NDUFA12: variants seen among roughly 807,000 people sequenced by gnomAD.
NDUFA12 encodes NADH dehydrogenase [ubiquinone] 1 alpha subcomplex subunit 12.
In NDUFA12, 17 loss-of-function variants were observed where a neutral mutation model predicts 20.3. That is an observed-to-expected ratio of 0.84 (90% CI 0.57 to 1.26). NDUFA12 has a LOEUF of 1.26. Ranked by LOEUF, NDUFA12 falls within the 50% of genes most tolerant of loss-of-function variation. The pLI is 0.00. For missense variants in NDUFA12, 191 were observed against 183.7 expected (o/e 1.04, Z -0.23); for synonymous variants, 72 against 63.6 (o/e 1.13, Z -0.63).
intron 1 of NDUFA12, 120 bp downstream of exon 1, chr12:95,003,475 C>T (rs906487788): frequency 1.5e-5 from 16 of 1,047,514 alleles, no homozygotes; most frequent in Non-Finnish European, 2.4e-5. Context: ...GAGATTGGGG[C>T]GGTTGTCCTT....
At chr12:94,975,031 A>T (rs920244033) in intron 3 of NDUFA12, among the ~76,000 whole-genome samples, 1 of 152,270 alleles carries the variant, frequency 6.6e-6, no homozygotes, top group Admixed American at 6.5e-5. Flanking sequence ...ATTGTTTGTA[A>T]CACAAAGGAC....
chr12:94,994,111 G>A lies in NDUFA12; in HGVS notation c.257+59C>T, dbSNP rs572901815. On this transcript the variant is annotated intron_variant, in intron 3 of 3. Transcript: ENST00000327772. ...TGCACTCCAGCCTGGGTGACAGAGTGAGACCCTGTCTCAAAAAAGAAAAAA... is the reference window on the plus strand; with the variant it reads ...TGCACTCCAGCCTGGGTGACAGAGTAAGACCCTGTCTCAAAAAAGAAAAAA... 16 of 1,461,354 alleles carry A rather than the reference G, an allele frequency of 1.1e-5. No homozygotes were observed. In the East Asian group the frequency reaches 1.8e-4, roughly 17 times the overall value. The allele number at this position is 1,461,354 out of a possible 1,614,324, so 90.5% of individuals were successfully genotyped here. A position where few individuals can be genotyped will look rare whatever the true frequency, so the allele number is the denominator to read the frequency against.
At chr12:94,996,342 CACACACACA>C (rs1874831603) in intron 2 of NDUFA12, among the ~76,000 whole-genome samples, 1 of 148,664 alleles carries the variant, frequency 6.7e-6, no homozygotes, top group African/African-American at 2.5e-5. Flanking sequence ...CACACACACA[CACACACACA>C]CACACACGAG....
At chr12:94,996,917 A>G (rs1462927675) in intron 2 of NDUFA12, 1 of 368,566 alleles carries the variant, frequency 2.7e-6, no homozygotes, top group Non-Finnish European at 5.3e-6. Flanking sequence ...AGGTTCTGCC[A>G]TTAATTACAT....
chr12:94,988,383 AACTT>A (rs1260840021), intron 3 of NDUFA12, among the ~76,000 whole-genome samples: 1 of 152,206 alleles, frequency 6.6e-6, no homozygotes, highest in Non-Finnish European at 1.5e-5. Context: ...TCAATTTGGC[AACTT>A]ACTTTTATTA....
chr12:94,975,412 A>T (rs1240917773), intron 3 of NDUFA12, among the ~76,000 whole-genome samples: 1 of 152,254 alleles, frequency 6.6e-6, no homozygotes, highest in Non-Finnish European at 1.5e-5. Context: ...TTACTTGCTA[A>T]ATTAGCAAAG....
intron 3 of NDUFA12, among the ~76,000 whole-genome samples, chr12:94,993,653 A>AAAAAAAG (rs1874721375): frequency 1.8e-5 from 2 of 111,532 alleles, no homozygotes; most frequent in East Asian, 4.9e-4. Context: ...AAAAAAAAAA[A>AAAAAAAG]GCCAGGCACG....
chr12:94,989,872 A>T (rs1388432481), intron 3 of NDUFA12, among the ~76,000 whole-genome samples: 1 of 152,212 alleles, frequency 6.6e-6, no homozygotes, highest in Non-Finnish European at 1.5e-5. Context: ...GCCCCTGAGC[A>T]CCAATGTTAG....
At position 95,001,791 on chromosome 12, in the gene NDUFA12, G is replaced by A. The variant is rs534320250; in HGVS notation, c.169+948C>T. Among the ~76,000 whole-genome samples the A allele has an allele frequency of 3.3e-5, 5 of 152,072 alleles. No homozygotes were observed. The South Asian group carries it at 8.3e-4, about 25-fold the overall frequency. ...GGGATCTGGGCTCACTGCAACTTCC[G>A]ACTCCCTGGTTCAAGCGATTCTCCT... is the stretch of plus-strand genomic sequence containing the variant. On this transcript the variant is annotated intron_variant, in intron 2 of 3. Transcript: ENST00000327772.
intron 3 of NDUFA12, among the ~76,000 whole-genome samples, chr12:94,976,140 G>A (rs11107833): frequency 0.42 from 64,209 of 152,006 alleles, 13,642 homozygotes; most frequent in Middle Eastern, 0.5. Flanking sequence ...CTTATAGATA[G>A]CATTTATAAG....
At chr12:94,972,465 G>A (rs1257089925) in intron 3 of NDUFA12, 4 of 454,584 alleles carry the variant, frequency 8.8e-6, no homozygotes, top group Non-Finnish European at 8.8e-6. Context: ...GCTCATGAAG[G>A]TTTAGTTTAA....
Position 95,003,587 on chromosome 12 carries a change from C to G in NDUFA12, c.86+8G>C. On this transcript the variant is annotated splice_region_variant and intron_variant, in intron 1 of 3. Coordinates refer to ENST00000327772, the MANE Select transcript of NDUFA12 (RefSeq NM_018838.5). ...CCAGAGGCCAAGAGCATGGCTCTGGCCGCCTACCTGAAAAAAACCCGTAGA... is the reference window on the plus strand; with the variant it reads ...CCAGAGGCCAAGAGCATGGCTCTGGGCGCCTACCTGAAAAAAACCCGTAGA... 6.2e-7 allele frequency: 1 copy of G among 1,614,162 alleles called. No homozygotes were observed. The highest frequency in any genetic ancestry group is 1.1e-5 in the South Asian group (1 of 91,088).
chr12:94,984,900 C>A (rs1431344935), intron 3 of NDUFA12, among the ~76,000 whole-genome samples: 1 of 138,702 alleles, frequency 7.2e-6, no homozygotes, highest in Admixed American at 7.5e-5. Context: ...ATTGCTTGAA[C>A]CTGGGAAGCA....
intron 3 of NDUFA12, among the ~76,000 whole-genome samples, chr12:94,984,678 A>C (rs12368364): frequency 0.87 from 121,520 of 140,470 alleles, 52,703 homozygotes; most frequent in Middle Eastern, 0.9. Context: ...AGAATGATGA[A>C]GACTTTTCAA....
At position 94,972,116 on chromosome 12, in the gene NDUFA12, T is replaced by C. The variant is rs148589944; in HGVS notation, c.258-496A>G. ...GACTTTCAGAAGATTTTTGTAGAGATAGGATCTCACTATGCTGCCCAGGCT... is the reference window on the plus strand; with the variant it reads ...GACTTTCAGAAGATTTTTGTAGAGACAGGATCTCACTATGCTGCCCAGGCT... On this transcript the variant is annotated intron_variant, in intron 3 of 3. Coordinates refer to ENST00000327772, the MANE Select transcript of NDUFA12 (RefSeq NM_018838.5). 4.5e-3 allele frequency among the ~76,000 whole-genome samples: 686 copies of C among 152,178 alleles called. 6 individuals carry two copies. Among genetic ancestry groups the C allele is most frequent in the Middle Eastern group, 0.044 (13 of 294 alleles).
intron 3 of NDUFA12, among the ~76,000 whole-genome samples, chr12:94,991,614 C>T (rs570054205): frequency 8.1e-4 from 123 of 151,436 alleles, no homozygotes; most frequent in African/African-American, 2.8e-3. Context: ...GTAGTCCCAG[C>T]TACTTGAGAG....
At chr12:94,996,431 C>A (rs921682656) in intron 2 of NDUFA12, among the ~76,000 whole-genome samples, 7 of 151,598 alleles carry the variant, frequency 4.6e-5, no homozygotes, top group Non-Finnish European at 8.8e-5. Flanking sequence ...ACCTTAGCCT[C>A]CCAAAGCATT....
At chr12:94,992,797 A>C (rs1337756675) in intron 3 of NDUFA12, among the ~76,000 whole-genome samples, 1 of 152,194 alleles carries the variant, frequency 6.6e-6, no homozygotes, top group East Asian at 1.9e-4. Flanking sequence ...TCCAGTGTCC[A>C]GACTTGGAGT....
intron 2 of NDUFA12, among the ~76,000 whole-genome samples, chr12:94,995,441 ATCTC>A (rs1326771277): frequency 6.6e-6 from 1 of 151,194 alleles, no homozygotes; most frequent in Non-Finnish European, 1.5e-5. Context: ...GGCCCTAACA[ATCTC>A]TCTCTCTCTC....
Sources: allele counts gnomAD v4.1 joint callset (sites outside exome capture counted in the v4.1 genomes callset), GRCh38; gene constraint gnomAD v4.1.1; transcripts MANE v1.5; gene names NCBI Gene and HGNC (gene_info 2026-07-23, HGNC 2026-07-21).